Variants in USP25 observed in about 807,000 individuals in gnomAD.
USP25 encodes the protein ubiquitin specific peptidase 25, also known as ubiquitin carboxyl-terminal hydrolase 25.
USP25 carries 85 observed loss-of-function variants against 158.5 expected under a neutral mutation model. The ratio of observed to expected loss-of-function variants is 0.54; its 90% CI spans 0.45 to 0.64. The LOEUF (loss-of-function observed/expected upper bound fraction) is 0.64, where lower values mean the gene tolerates loss of function less well. Ranked by LOEUF, USP25 falls within the 30% of genes least tolerant of loss-of-function variation. The pLI is 0.00. For missense variants in USP25, 1,242 were observed against 1,327.3 expected, an observed-to-expected ratio of 0.94 and a Z score of 1.00; for synonymous variants, 464 against 460.4, an observed-to-expected ratio of 1.01 and a Z score of -0.10.
At chr21:15,765,397 A>T (rs1035504248) in intron 2 of USP25, among the ~76,000 whole-genome samples, 2 of 152,128 alleles carry the variant, frequency 1.3e-5, no homozygotes, top group Admixed American at 1.3e-4. Context: ...TTTGATGAGA[A>T]CTATGCAAAA....
In USP25 at chr21:15,818,339, T is replaced by C. The variant is rs376333345; in HGVS notation, c.932-359T>C. ...TGTGAAGTTAATGGGTATAATGTTT[T>C]TTAAATGAGGCTGAGAATTTTCTCA... On this transcript the variant is annotated intron_variant, in intron 9 of 25. Coordinates refer to ENST00000400183, the MANE Select transcript of USP25 (RefSeq NM_001283041.3). 2.0e-5 allele frequency among the ~76,000 whole-genome samples: 3 copies of C among 152,216 alleles called. No individual in the cohort carries two copies. The East Asian group carries it at 5.8e-4, about 29-fold the overall frequency.
chr21:15,867,413 T>C (rs2039704236), intron 22 of USP25, among the ~76,000 whole-genome samples: 1 of 152,086 alleles, frequency 6.6e-6, no homozygotes, highest in Non-Finnish European at 1.5e-5. Flanking sequence ...TAGTTTGGCG[T>C]ATAAGGTAAC....
intron 6 of USP25, among the ~76,000 whole-genome samples, chr21:15,801,000 A>G (rs1600955691): frequency 6.6e-6 from 1 of 151,096 alleles, no homozygotes; most frequent in Non-Finnish European, 1.5e-5. Context: ...ATTAAGGAAA[A>G]CCCTTTCAAT....
At chr21:15,758,941 G>C (rs1433298437) in intron 1 of USP25, among the ~76,000 whole-genome samples, 1 of 152,164 alleles carries the variant, frequency 6.6e-6, no homozygotes, top group African/African-American at 2.4e-5. Context: ...TGTGAAATTT[G>C]GGTGGGGACA....
intron 20 of USP25, among the ~76,000 whole-genome samples, chr21:15,860,885 G>A (rs1335949603): frequency 6.6e-6 from 1 of 150,660 alleles, no homozygotes; most frequent in Admixed American, 6.6e-5. Context: ...AGATTTAACT[G>A]CCTCCAGAAT....
In USP25 at chr21:15,783,680, G is replaced by T. The variant is rs1057305512; in HGVS notation, c.392+5653G>T. On this transcript the variant is annotated intron_variant, in intron 4 of 25. Coordinates refer to ENST00000400183, the MANE Select transcript of USP25 (RefSeq NM_001283041.3). ...CCTTAAGAAATGAAAAAGAAGGGCC[G>T]GGCGCAGTGGCTGATGCCTGTAATC... 2.6e-5 allele frequency among the ~76,000 whole-genome samples: 4 copies of T among 152,000 alleles called. No homozygotes were observed. The East Asian group carries it at 7.7e-4, about 29-fold the overall frequency.
intron 1 of USP25, among the ~76,000 whole-genome samples, chr21:15,731,940 A>G (rs1410996803): frequency 1.3e-5 from 2 of 152,218 alleles, no homozygotes; most frequent in East Asian, 1.9e-4. Flanking sequence ...GTCTGTTTCA[A>G]AGTGAGAAAT....
At chr21:15,801,644 G>A (rs2146257413) in intron 6 of USP25, among the ~76,000 whole-genome samples, 1 of 151,616 alleles carries the variant, frequency 6.6e-6, no homozygotes, top group East Asian at 1.9e-4. Flanking sequence ...AGGCGTGAGT[G>A]TAACTTGTCA....
rs372285699 is a variant in USP25, at chr21:15,864,289, A to G, written c.2569A>G (p.Arg857Gly). Residue 857 changes from arginine (R) to glycine (G), a missense_variant, in exon 21 of 26, where the codon AGG becomes GGG. Around this residue, in one of 3 missense-constraint regions of USP25, gnomAD observed 608 missense variants for 605.2 expected, o/e 1.00. Coordinates refer to ENST00000400183, the MANE Select transcript of USP25 (RefSeq NM_001283041.3). ...CCAGGCAATTAAGTTGGAATATGCA[A>G]GGTTGGTTAAGTTGGCCCAAGAAGA... ...FFKAIKLEYA[R>G]LVKLAQEDTP... is the part of the protein sequence containing the mutation. 9 of 1,606,830 alleles carry G rather than the reference A, an allele frequency of 5.6e-6. No individual in the cohort carries two copies. Among genetic ancestry groups the G allele is most frequent in the East Asian group, 2.2e-5 (1 of 44,726 alleles).
At chr21:15,827,248 A>G (rs2037556624) in intron 14 of USP25, 45 bp downstream of exon 14, 5 of 1,428,628 alleles carry the variant, frequency 3.5e-6, no homozygotes, top group Non-Finnish European at 4.9e-6. Flanking sequence ...TCAGATGGAT[A>G]TGTGTAATGT....
chr21:15,871,463 A>C (rs545209944), intron 23 of USP25, among the ~76,000 whole-genome samples: 1 of 152,336 alleles, frequency 6.6e-6, no homozygotes, highest in Admixed American at 6.5e-5. Flanking sequence ...GACTTCACAG[A>C]GATGTAGTAA....
intron 17 of USP25, among the ~76,000 whole-genome samples, chr21:15,840,487 A>C (rs190939755): frequency 6.6e-6 from 1 of 152,102 alleles, no homozygotes; most frequent in African/African-American, 2.4e-5. Context: ...TTTGTTTCCA[A>C]TCTCCCAGGG....
chr21:15,828,971 A>G (rs1341349743), intron 14 of USP25, among the ~76,000 whole-genome samples: 1 of 152,142 alleles, frequency 6.6e-6, no homozygotes, highest in Non-Finnish European at 1.5e-5. Context: ...ATGGATCAGG[A>G]AAGAAGGTTT....
chr21:15,741,186 T>C (rs2032019995), intron 1 of USP25, among the ~76,000 whole-genome samples: 1 of 152,140 alleles, frequency 6.6e-6, no homozygotes, highest in African/African-American at 2.4e-5. Flanking sequence ...GCTTTTGAGA[T>C]TCACCCATGT....
At chr21:15,857,624 A>G (rs1440382691) in intron 20 of USP25, among the ~76,000 whole-genome samples, 1 of 152,104 alleles carries the variant, frequency 6.6e-6, no homozygotes, top group African/African-American at 2.4e-5. Flanking sequence ...TTGATCTTCT[A>G]AGACAATTGA....
At chr21:15,849,020 A>C (rs1185985001) in intron 19 of USP25, among the ~76,000 whole-genome samples, 1 of 152,222 alleles carries the variant, frequency 6.6e-6, no homozygotes, top group East Asian at 1.9e-4. Context: ...TTTGTACTTA[A>C]TGGCTCTACA....
chr21:15,834,417 A>G (rs929143016), intron 17 of USP25, among the ~76,000 whole-genome samples: 4 of 152,140 alleles, frequency 2.6e-5, no homozygotes, highest in African/African-American at 9.7e-5. Context: ...TATAACTGCT[A>G]GTGGATATTA....
intron 2 of USP25, among the ~76,000 whole-genome samples, chr21:15,765,707 A>G (rs9983023): frequency 0.026 from 3,930 of 152,154 alleles, 177 homozygotes; most frequent in African/African-American, 0.086. Context: ...GTTCAAAAGT[A>G]TAAGTTTGTG....
intron 9 of USP25, among the ~76,000 whole-genome samples, chr21:15,811,843 T>C (rs1397541592): frequency 6.6e-6 from 1 of 152,162 alleles, no homozygotes; most frequent in Non-Finnish European, 1.5e-5. Context: ...AAGCATAAAC[T>C]TTTGAAAAAT....
Sources: allele counts gnomAD v4.1 joint callset (sites outside exome capture counted in the v4.1 genomes callset), GRCh38; gene constraint gnomAD v4.1.1; regional missense constraint gnomAD v4.1.1; transcripts MANE v1.5; gene names NCBI Gene and HGNC (gene_info 2026-07-23, HGNC 2026-07-21).